SIPA1L1: variants seen among roughly 807,000 people sequenced by gnomAD.
SIPA1L1 encodes the protein signal-induced proliferation-associated 1-like protein 1.
SIPA1L1 carries 26 observed loss-of-function variants against 162.7 expected under a neutral mutation model. That is an observed-to-expected ratio of 0.16 (90% CI 0.12 to 0.22). The LOEUF is 0.22. Ranked by LOEUF, SIPA1L1 falls within the 10% of genes least tolerant of loss-of-function variation. The probability of loss-of-function intolerance (pLI) is 1.00; values close to 1 mark genes in which losing one functional copy is unlikely to be tolerated. For synonymous variants in SIPA1L1, 829 were observed against 837.4 expected (o/e 0.99, Z 0.17); for missense variants, 1,874 against 2,241.0 (o/e 0.84, Z 3.31).
At chr14:71,361,047 C>G (rs1324593086) in intron 2 of SIPA1L1, among the ~76,000 whole-genome samples, 1 of 151,644 alleles carries the variant, frequency 6.6e-6, no homozygotes, top group East Asian at 1.9e-4. Context: ...TAAAATTATA[C>G]TGGTATGGAG....
At chr14:71,619,482 TA>T (rs1436942697) in intron 6 of SIPA1L1, among the ~76,000 whole-genome samples, 1 of 152,026 alleles carries the variant, frequency 6.6e-6, no homozygotes, top group Non-Finnish European at 1.5e-5. Context: ...ATGAGTTTTT[TA>T]TTTTAAAATG....
At chr14:71,543,934 T>C (rs953192527) in intron 4 of SIPA1L1, among the ~76,000 whole-genome samples, 3 of 141,944 alleles carry the variant, frequency 2.1e-5, no homozygotes, top group Non-Finnish European at 4.6e-5. Context: ...TACGTATATG[T>C]GTGTATATAT....
At chr14:71,703,924 C>T (rs975536324) in intron 15 of SIPA1L1, among the ~76,000 whole-genome samples, 1 of 152,170 alleles carries the variant, frequency 6.6e-6, no homozygotes, top group Non-Finnish European at 1.5e-5. Flanking sequence ...GCATCCCACT[C>T]TTAATAGATA....
At chr14:71,566,390 G>A (rs1463031079) in intron 4 of SIPA1L1, among the ~76,000 whole-genome samples, 1 of 152,164 alleles carries the variant, frequency 6.6e-6, no homozygotes, top group African/African-American at 2.4e-5. Context: ...AAACGAAACA[G>A]CAGAACCAAG....
rs546953599 is a variant in SIPA1L1, at chr14:71,678,503, G to A, written c.3104+5881G>A. Among the ~76,000 whole-genome samples the A allele has an allele frequency of 2.4e-4, 36 of 152,278 alleles. No homozygotes were observed. The South Asian group carries it at 7.3e-3, about 31-fold the overall frequency. The stretch of plus-strand genomic sequence containing the variant: ...CCAGGGATGAAGCCCACTTGATCAT[G>A]GTGGATAAGCTTTTTGATGTGCTGC... On this transcript the variant is annotated intron_variant, in intron 12 of 23. Transcript: ENST00000381232.
At chr14:71,424,061 A>C (rs1420265268) in intron 2 of SIPA1L1, among the ~76,000 whole-genome samples, 2 of 151,932 alleles carry the variant, frequency 1.3e-5, no homozygotes, top group Non-Finnish European at 2.9e-5. Flanking sequence ...CGTTTTTGTA[A>C]TGTCCTTTTA....
chr14:71,719,261 G>A (rs1451877863), intron 17 of SIPA1L1, among the ~76,000 whole-genome samples: 1 of 152,064 alleles, frequency 6.6e-6, no homozygotes, highest in African/African-American at 2.4e-5. Context: ...TCCTGTACAT[G>A]TCCTTTTGTA....
At chr14:71,524,612 T>G (rs1414503519) in intron 3 of SIPA1L1, among the ~76,000 whole-genome samples, 2 of 152,182 alleles carry the variant, frequency 1.3e-5, no homozygotes, top group Admixed American at 6.5e-5. Context: ...TCAGTTTTAT[T>G]TATTTGTTTA....
chr14:71,403,259 T>TA (rs1216551383), intron 2 of SIPA1L1, among the ~76,000 whole-genome samples: 3 of 152,162 alleles, frequency 2.0e-5, no homozygotes, highest in African/African-American at 7.2e-5. Flanking sequence ...ACAGTGTACC[T>TA]ATTAGTTATT....
intron 2 of SIPA1L1, among the ~76,000 whole-genome samples, chr14:71,425,921 A>AT (rs2043527233): frequency 6.6e-6 from 1 of 152,050 alleles, no homozygotes; most frequent in South Asian, 2.1e-4. Context: ...GCTATATTGT[A>AT]TTTTTTGTTA....
At chr14:71,367,193 C>A (rs1347789959) in intron 2 of SIPA1L1, among the ~76,000 whole-genome samples, 11 of 150,758 alleles carry the variant, frequency 7.3e-5, no homozygotes, top group Admixed American at 7.3e-4. Flanking sequence ...ATATAAACTT[C>A]TCTCATTCTT....
intron 2 of SIPA1L1, among the ~76,000 whole-genome samples, chr14:71,443,737 T>G (rs2045112733): frequency 6.6e-6 from 1 of 152,228 alleles, no homozygotes; most frequent in Non-Finnish European, 1.5e-5. Context: ...ACTTACAGTA[T>G]TAGATGGCAT....
chr14:71,434,851 G>T (rs1361083324), intron 2 of SIPA1L1, among the ~76,000 whole-genome samples: 1 of 152,184 alleles, frequency 6.6e-6, no homozygotes, highest in East Asian at 1.9e-4. Context: ...AAAGTCCTGG[G>T]ATTACAGGTA....
In SIPA1L1 at chr14:71,651,213, C is replaced by T. The variant is rs1411764577; in HGVS notation, c.1993+704C>T. 3.3e-5 allele frequency among the ~76,000 whole-genome samples: 5 copies of T among 152,192 alleles called. No homozygotes were observed. In the East Asian group the frequency reaches 7.7e-4, roughly 23 times the overall value. ...TAATCAAAGAGTGTGTTGACTTTTGCTATGTGTCTGTGTGAAAGCAGTTTT... is the reference window on the plus strand; with the variant it reads ...TAATCAAAGAGTGTGTTGACTTTTGTTATGTGTCTGTGTGAAAGCAGTTTT... On this transcript the variant is annotated intron_variant, in intron 8 of 23. Transcript: ENST00000381232.
intron 14 of SIPA1L1, among the ~76,000 whole-genome samples, chr14:71,700,994 C>CAAAAAAAAAAAA (rs539293669): frequency 2.5e-4 from 13 of 51,750 alleles, no homozygotes; most frequent in Non-Finnish European, 3.0e-4. Context: ...GACTCCGTCT[C>CAAAAAAAAAAAA]AAAAAAAAAA....
intron 7 of SIPA1L1, among the ~76,000 whole-genome samples, chr14:71,632,982 A>G (rs1455046217): frequency 6.6e-6 from 1 of 152,230 alleles, no homozygotes; most frequent in Non-Finnish European, 1.5e-5. Context: ...CAATTGGGAA[A>G]ATCTCAACTT....
chr14:71,571,492 A>G (rs2032006253), intron 4 of SIPA1L1, among the ~76,000 whole-genome samples: 1 of 152,220 alleles, frequency 6.6e-6, no homozygotes. Flanking sequence ...AGAAAAGAGC[A>G]TATAACATAA....
intron 2 of SIPA1L1, among the ~76,000 whole-genome samples, chr14:71,442,773 T>A (rs1348093300): frequency 3.3e-5 from 5 of 151,898 alleles, no homozygotes; most frequent in East Asian, 1.9e-4. Context: ...ATAAAAAAAA[T>A]AATAAAATAA....
intron 2 of SIPA1L1, among the ~76,000 whole-genome samples, chr14:71,326,411 G>A (rs944263919): frequency 3.9e-5 from 6 of 152,030 alleles, no homozygotes; most frequent in Non-Finnish European, 8.8e-5. Flanking sequence ...GTTTCGCCAT[G>A]TTGGCCAGGC....
Sources: allele counts gnomAD v4.1 joint callset (sites outside exome capture counted in the v4.1 genomes callset), GRCh38; gene constraint gnomAD v4.1.1; transcripts MANE v1.5; gene names NCBI Gene and HGNC (gene_info 2026-07-23, HGNC 2026-07-21).